FRMD5: variants seen among roughly 807,000 people sequenced by gnomAD.
FRMD5 encodes FERM domain containing 5, also known as FERM domain-containing protein 5.
Under a neutral mutation model 69.0 loss-of-function variants are expected in FRMD5, and 20 were observed. The observed-to-expected ratio is 0.29, with a 90% CI of 0.20 to 0.42. The LOEUF (loss-of-function observed/expected upper bound fraction) is 0.42, where lower values mean the gene tolerates loss of function less well. FRMD5 is among the 10% of genes least tolerant of loss of function. The pLI is 1.00. For missense variants in FRMD5, 595 were observed against 708.6 expected (o/e 0.84, Z 1.82); for synonymous variants, 271 against 260.1 (o/e 1.04, Z -0.40).
chr15:43,937,208 C>T (rs369621963), intron 1 of FRMD5, among the ~76,000 whole-genome samples: 15 of 152,108 alleles, frequency 9.9e-5, no homozygotes, highest in African/African-American at 3.4e-4. Flanking sequence ...GACACCTAGA[C>T]AAAATGGCAT....
intron 1 of FRMD5, among the ~76,000 whole-genome samples, chr15:44,003,394 T>A (rs903837963): frequency 2.0e-5 from 3 of 152,144 alleles, no homozygotes; most frequent in African/African-American, 7.2e-5. Flanking sequence ...CAATCACTCC[T>A]CTTAACATTC....
In FRMD5 at chr15:44,090,508, C is replaced by T. The variant is rs965909320; in HGVS notation, c.102+104445G>A. Among the ~76,000 whole-genome samples, 5 of 150,668 alleles carry T rather than the reference C, an allele frequency of 3.3e-5. No homozygotes were observed. The East Asian group carries it at 5.8e-4, about 18-fold the overall frequency. On this transcript the variant is annotated intron_variant, in intron 1 of 13. Coordinates refer to ENST00000417257, the MANE Select transcript of FRMD5 (RefSeq NM_032892.5). The stretch of plus-strand genomic sequence containing the variant: ...CTGGAGAAGAGCAATGGCGTGATCT[C>T]GGCTCACTACAACCTCTACCTTCTG...
chr15:44,154,360 A>G (rs1030261705), intron 1 of FRMD5, among the ~76,000 whole-genome samples: 2 of 152,004 alleles, frequency 1.3e-5, no homozygotes. Flanking sequence ...TTGGGAAAAA[A>G]CTTTAAAAAA....
intron 1 of FRMD5, among the ~76,000 whole-genome samples, chr15:43,966,178 C>G (rs143671131): frequency 1.5e-4 from 23 of 151,904 alleles, no homozygotes; most frequent in African/African-American, 5.1e-4. Flanking sequence ...CGAGACCAGC[C>G]TGACCAACGT....
intron 1 of FRMD5, among the ~76,000 whole-genome samples, chr15:44,093,574 CTTT>C (rs1028573519): frequency 5.6e-5 from 8 of 141,800 alleles, no homozygotes; most frequent in Admixed American, 7.1e-5. Context: ...ACCATGCTAT[CTTT>C]TTTTTTTTTT....
At chr15:43,994,119 G>C (rs1405311468) in intron 1 of FRMD5, among the ~76,000 whole-genome samples, 7 of 152,092 alleles carry the variant, frequency 4.6e-5, no homozygotes. Flanking sequence ...TTGCCATTTT[G>C]TTAGTTGTTT....
Position 44,175,047 on chromosome 15 carries a change from T to C in FRMD5, c.102+19906A>G, listed in dbSNP as rs988563674. ...GAAACAAACCTGCACATTCTGCACA[T>C]GTATCCCAGAACTTAAAGTAAAATA... On this transcript the variant is annotated intron_variant, in intron 1 of 13. Coordinates refer to ENST00000417257, the MANE Select transcript of FRMD5 (RefSeq NM_032892.5). Among the ~76,000 whole-genome samples the C allele has an allele frequency of 5.3e-5, 8 of 152,340 alleles. No individual in the cohort carries two copies. The South Asian group carries it at 1.7e-3, about 32-fold the overall frequency.
intron 1 of FRMD5, among the ~76,000 whole-genome samples, chr15:44,179,998 C>G (rs546780642): frequency 3.3e-4 from 48 of 146,910 alleles, no homozygotes; most frequent in Middle Eastern, 7.1e-3. Flanking sequence ...GTGCTCCACA[C>G]CTGTGAACAG....
intron 1 of FRMD5, among the ~76,000 whole-genome samples, chr15:43,994,016 T>C (rs563703681): frequency 4.6e-5 from 7 of 152,300 alleles, no homozygotes; most frequent in African/African-American, 1.7e-4. Context: ...TTGGGTCTTG[T>C]TTTTTAAATT....
Position 44,165,463 on chromosome 15 carries a change from G to T in FRMD5, c.102+29490C>A, listed in dbSNP as rs144024614. 4.0e-3 allele frequency among the ~76,000 whole-genome samples: 601 copies of T among 152,144 alleles called. 5 individuals are homozygous for T. Among genetic ancestry groups the T allele is most frequent in the African/African-American group, 0.014 (562 of 41,508 alleles). On this transcript the variant is annotated intron_variant, in intron 1 of 13. Transcript: ENST00000417257. ...AATCAATAAAATCAACCCAAGTTGG[G>T]TGCTATTGCTTGCAACTAAGAACTC...
At chr15:44,137,001 T>TA (rs1208433560) in intron 1 of FRMD5, among the ~76,000 whole-genome samples, 3 of 152,106 alleles carry the variant, frequency 2.0e-5, no homozygotes, top group Non-Finnish European at 4.4e-5. Context: ...ATTGCAGGTA[T>TA]AAAAAAACCT....
chr15:44,172,094 CTTTT>C (rs35080273), intron 1 of FRMD5, among the ~76,000 whole-genome samples: 1 of 140,528 alleles, frequency 7.1e-6, no homozygotes. Context: ...TATCACTACA[CTTTT>C]TTTTTTTTTT....
chr15:44,082,431 GA>G (rs1894035428), intron 1 of FRMD5, among the ~76,000 whole-genome samples: 1 of 152,012 alleles, frequency 6.6e-6, no homozygotes, highest in Non-Finnish European at 1.5e-5. Flanking sequence ...TCCCTGGAGA[GA>G]CCAGGTGTTT....
At chr15:44,001,773 A>T (rs1566891297) in intron 1 of FRMD5, among the ~76,000 whole-genome samples, 1 of 151,796 alleles carries the variant, frequency 6.6e-6, no homozygotes, top group African/African-American at 2.4e-5. Flanking sequence ...CGCCCAGCTA[A>T]TTTTTTTGTA....
Position 44,052,387 on chromosome 15 carries a change from T to C in FRMD5, c.103-128078A>G, listed in dbSNP as rs370696129. Among the ~76,000 whole-genome samples the C allele has an allele frequency of 2.2e-4, 33 of 152,298 alleles. No individual in the cohort carries two copies. In the East Asian group the frequency reaches 5.8e-3, roughly 27 times the overall value. ...CACTATAAGATGCTTCAGGCCTATA[T>C]TGTATATTTCCTGTCCCCATCCTAG... On this transcript the variant is annotated intron_variant, in intron 1 of 13. Transcript: ENST00000417257.
At chr15:44,043,427 T>C (rs1218954728) in intron 1 of FRMD5, among the ~76,000 whole-genome samples, 2 of 152,104 alleles carry the variant, frequency 1.3e-5, no homozygotes, top group Non-Finnish European at 2.9e-5. Flanking sequence ...AAAACTACTT[T>C]AACTTTCATA....
At chr15:43,896,687 G>A (rs2088917167) in intron 7 of FRMD5, among the ~76,000 whole-genome samples, 1 of 152,208 alleles carries the variant, frequency 6.6e-6, no homozygotes, top group Admixed American at 6.5e-5. Flanking sequence ...TCTGTCTCCT[G>A]CCACCCTAGA....
At chr15:44,125,675 A>G (rs1391672413) in intron 1 of FRMD5, among the ~76,000 whole-genome samples, 1 of 152,252 alleles carries the variant, frequency 6.6e-6, no homozygotes, top group African/African-American at 2.4e-5. Flanking sequence ...TTATTTCTGA[A>G]GAAGAAAAGA....
chr15:44,000,701 C>A (rs1595607861), intron 1 of FRMD5, among the ~76,000 whole-genome samples: 1 of 152,160 alleles, frequency 6.6e-6, no homozygotes, highest in African/African-American at 2.4e-5. Context: ...CTCAGGTGAT[C>A]CACCCACCTT....
Sources: gnomAD v4.1 joint callset for allele counts (sites outside exome capture counted in the v4.1 genomes callset) on GRCh38, gnomAD v4.1.1 for gene constraint, MANE v1.5 for transcripts, NCBI Gene and HGNC (gene_info 2026-07-23, HGNC 2026-07-21) for gene names.